The following LYPLAL1 variants were observed in gnomAD, a reference collection of about 807,000 sequenced individuals.
LYPLAL1 encodes the protein lysophospholipase-like protein 1.
In LYPLAL1, 23 loss-of-function variants were observed where a neutral mutation model predicts 19.7. The observed-to-expected ratio is 1.17, with a 90% confidence interval of 0.84 to 1.65. The LOEUF (loss-of-function observed/expected upper bound fraction) is 1.65, where lower values mean the gene tolerates loss of function less well. Ranked by LOEUF, LYPLAL1 falls within the 40% of genes most tolerant of loss-of-function variation. LYPLAL1 has a pLI of 0.00. For missense variants in LYPLAL1, 355 were observed against 279.4 expected (o/e 1.27, Z -1.93); for synonymous variants, 119 against 96.3 (o/e 1.24, Z -1.38).
intron 2 of LYPLAL1, among the ~76,000 whole-genome samples, chr1:219,188,849 T>C (rs1656929928): frequency 6.6e-6 from 1 of 151,756 alleles, no homozygotes; most frequent in South Asian, 2.1e-4. Flanking sequence ...TAAAGTGATT[T>C]ATTTGAGGAA....
chr1:219,316,782 T>G, the LYPLAL1 span, among the ~76,000 whole-genome samples: 2 of 152,138 alleles, frequency 1.3e-5, no homozygotes, highest in African/African-American at 4.8e-5. Context: ...TTAAATGAAA[T>G]AAGCCAGTCG....
chr1:219,384,543 T>A, the LYPLAL1 span, among the ~76,000 whole-genome samples: 3 of 152,216 alleles, frequency 2.0e-5, no homozygotes, highest in African/African-American at 7.2e-5. Context: ...GTAATGTCAA[T>A]TGATTGAATT....
chr1:219,373,482 C>T, the LYPLAL1 span, among the ~76,000 whole-genome samples: 1 of 152,134 alleles, frequency 6.6e-6, no homozygotes, highest in South Asian at 2.1e-4. Flanking sequence ...TAATTATGTA[C>T]ACTCTGCAGC....
the LYPLAL1 span, among the ~76,000 whole-genome samples, chr1:219,323,682 A>T: frequency 6.6e-6 from 1 of 152,210 alleles, no homozygotes; most frequent in South Asian, 2.1e-4. Flanking sequence ...AACAATGTAT[A>T]GTATAAGCCT....
At chr1:219,294,399 A>G in the LYPLAL1 span, among the ~76,000 whole-genome samples, 2 of 148,758 alleles carry the variant, frequency 1.3e-5, no homozygotes, top group African/African-American at 4.9e-5. Context: ...TTTTCTTCTG[A>G]CTCAGTCTTC....
At chr1:219,254,476 G>A in the LYPLAL1 span, among the ~76,000 whole-genome samples, 1 of 152,104 alleles carries the variant, frequency 6.6e-6, no homozygotes, top group Non-Finnish European at 1.5e-5. Flanking sequence ...AAGTCTGGTA[G>A]TAATGAATTC....
the LYPLAL1 span, among the ~76,000 whole-genome samples, chr1:219,314,158 T>C: frequency 6.6e-6 from 1 of 152,248 alleles, no homozygotes; most frequent in Non-Finnish European, 1.5e-5. Context: ...GGGCATGACG[T>C]CATTATTTTT....
chr1:219,231,395 T>A, the LYPLAL1 span, among the ~76,000 whole-genome samples: 1,153 of 152,298 alleles, frequency 7.6e-3, 4 homozygotes, highest in South Asian at 0.023. Context: ...TTAGTCATTC[T>A]CCGGACTAAA....
the LYPLAL1 span, among the ~76,000 whole-genome samples, chr1:219,305,450 C>G: frequency 6.6e-6 from 1 of 152,002 alleles, no homozygotes; most frequent in South Asian, 2.1e-4. Flanking sequence ...AAGATGCCTC[C>G]CCCTCAAGAC....
At chr1:219,389,890 A>G in the LYPLAL1 span, among the ~76,000 whole-genome samples, 1 of 152,222 alleles carries the variant, frequency 6.6e-6, no homozygotes, top group Non-Finnish European at 1.5e-5. Context: ...TTTCCACTGT[A>G]GAAAGCCAGA....
At chr1:219,266,289 C>G in the LYPLAL1 span, among the ~76,000 whole-genome samples, 1 of 151,944 alleles carries the variant, frequency 6.6e-6, no homozygotes, top group Non-Finnish European at 1.5e-5. Flanking sequence ...TTGTACTTTT[C>G]AAACTCTTTT....
the LYPLAL1 span, among the ~76,000 whole-genome samples, chr1:219,398,110 G>T: frequency 6.6e-6 from 1 of 152,178 alleles, no homozygotes; most frequent in Non-Finnish European, 1.5e-5. Flanking sequence ...TAGCTAGGTT[G>T]TTGAAGTTGT....
chr1:219,285,961 G>C, the LYPLAL1 span, among the ~76,000 whole-genome samples: 1 of 152,146 alleles, frequency 6.6e-6, no homozygotes, highest in East Asian at 1.9e-4. Flanking sequence ...ATAGAAATTA[G>C]AGACAGAGAT....
the LYPLAL1 span, among the ~76,000 whole-genome samples, chr1:219,404,889 C>A: frequency 4.6e-4 from 70 of 152,184 alleles, no homozygotes; most frequent in Admixed American, 4.6e-3. Flanking sequence ...ATCTTTGACA[C>A]CACGTCCTTT....
At chr1:219,222,201 C>T in the LYPLAL1 span, 1 of 152,072 alleles carries the variant, frequency 6.6e-6, no homozygotes, top group South Asian at 2.1e-4. Flanking sequence ...TCAAAGGGCT[C>T]TCCATGAAGG....
At chr1:219,318,795 A>G in the LYPLAL1 span, among the ~76,000 whole-genome samples, 2 of 152,192 alleles carry the variant, frequency 1.3e-5, no homozygotes, top group Non-Finnish European at 2.9e-5. Context: ...ACACTCACCA[A>G]GAGGAAGGAG....
At chr1:219,292,520 C>A in the LYPLAL1 span, among the ~76,000 whole-genome samples, 1 of 152,174 alleles carries the variant, frequency 6.6e-6, no homozygotes, top group Non-Finnish European at 1.5e-5. Flanking sequence ...CCCTACCAGT[C>A]TGCAGGACAT....
intron 3 of LYPLAL1, among the ~76,000 whole-genome samples, chr1:219,203,985 A>G (rs913206293): frequency 6.6e-6 from 1 of 152,140 alleles, no homozygotes; most frequent in Non-Finnish European, 1.5e-5. Flanking sequence ...GCTTTCTGCA[A>G]TGGATATGCA....
In LYPLAL1 at chr1:219,211,904, A is replaced by C. The variant is rs1659075303; in HGVS notation, c.*176A>C. On this transcript the variant is annotated 3_prime_UTR_variant, in exon 5 of 5. Transcript: ENST00000366928. ...ATCTTATTAATGAAAAACAATAGAC[A>C]AACATCTGTGCATAATTTTTCAGAC... is the stretch of plus-strand genomic sequence containing the variant. 6.7e-6 allele frequency: 3 copies of C among 445,292 alleles called. No individual in the cohort carries two copies. The South Asian group carries it at 1.5e-4, about 23-fold the overall frequency. 27.6% of individuals were successfully genotyped at this position (445,292 alleles called of 1,614,324 possible). A position where few individuals can be genotyped will look rare whatever the true frequency, so the allele number is the denominator to read the frequency against.
Sources: allele counts gnomAD v4.1 joint callset (sites outside exome capture counted in the v4.1 genomes callset), GRCh38; gene constraint gnomAD v4.1.1; transcripts MANE v1.5; gene names NCBI Gene and HGNC (gene_info 2026-07-23, HGNC 2026-07-21).